The following SMYD3 variants were observed in gnomAD, a reference collection of about 807,000 sequenced individuals.
SMYD3 encodes the protein histone-lysine N-methyltransferase SMYD3.
SMYD3 carries 36 observed loss-of-function variants against 57.7 expected under a neutral mutation model. The ratio of observed to expected loss-of-function variants is 0.62; its 90% CI spans 0.48 to 0.82. The LOEUF (loss-of-function observed/expected upper bound fraction) is 0.82. Among genes scored for constraint, SMYD3 ranks in the 40% least tolerant of loss-of-function variants. SMYD3 has a pLI of 0.00. For synonymous variants in SMYD3, 211 were observed against 195.0 expected (o/e 1.08, Z -0.68); for missense variants, 515 against 538.8 (o/e 0.96, Z 0.44).
chr1:246,188,814 A>G (rs1389255251), intron 5 of SMYD3, among the ~76,000 whole-genome samples: 4 of 152,010 alleles, frequency 2.6e-5, no homozygotes, highest in Admixed American at 2.0e-4. Flanking sequence ...CACAAAAAAG[A>G]GCCAGGCATG....
At chr1:245,777,957 C>A (rs1198734984) in intron 10 of SMYD3, among the ~76,000 whole-genome samples, 2 of 152,126 alleles carry the variant, frequency 1.3e-5, no homozygotes, top group African/African-American at 4.8e-5. Flanking sequence ...TGTCTCTACA[C>A]CCTGCCCCCA....
At chr1:246,340,249 A>G (rs866452003) in intron 2 of SMYD3, among the ~76,000 whole-genome samples, 1 of 149,962 alleles carries the variant, frequency 6.7e-6, no homozygotes, top group Non-Finnish European at 1.5e-5. Context: ...ATTCAATTAC[A>G]TAACAATAAA....
chr1:246,401,773 A>T (rs902419194), intron 1 of SMYD3, among the ~76,000 whole-genome samples: 2 of 150,026 alleles, frequency 1.3e-5, no homozygotes, highest in African/African-American at 2.5e-5. Context: ...CCCAGACTGG[A>T]GTGCAATGGC....
chr1:245,988,491 C>T (rs573186908), intron 5 of SMYD3: 6 of 152,074 alleles, frequency 3.9e-5, no homozygotes, highest in South Asian at 2.1e-4. Context: ...CACCTGCCCA[C>T]TTGAAATGTA....
intron 5 of SMYD3, among the ~76,000 whole-genome samples, chr1:246,214,061 G>A (rs1282239335): frequency 6.6e-6 from 1 of 152,132 alleles, no homozygotes; most frequent in Admixed American, 6.5e-5. Flanking sequence ...TACTGTTCCA[G>A]AATTAGCCAG....
At chr1:245,774,582 A>G (rs995175441) in intron 10 of SMYD3, among the ~76,000 whole-genome samples, 6 of 152,182 alleles carry the variant, frequency 3.9e-5, no homozygotes, top group African/African-American at 1.4e-4. Flanking sequence ...ATTAAAATAT[A>G]TTGAAAACCA....
At chr1:246,395,257 C>T (rs765992424) in intron 1 of SMYD3, among the ~76,000 whole-genome samples, 2 of 152,308 alleles carry the variant, frequency 1.3e-5, no homozygotes, top group African/African-American at 2.4e-5. Context: ...TCTTTTGGAA[C>T]GAGGAAAGCT....
intron 5 of SMYD3, among the ~76,000 whole-genome samples, chr1:246,091,098 G>A (rs190440315): frequency 4.3e-4 from 66 of 152,302 alleles, no homozygotes; most frequent in Non-Finnish European, 8.2e-4. Flanking sequence ...TTAGAAACGC[G>A]GTTAGCACGG....
In SMYD3 at chr1:246,092,684, A is replaced by G. The variant is rs1165955863; in HGVS notation, c.532-162747T>C. The stretch of plus-strand genomic sequence containing the variant: ...GAAGAAAACATTGGAGAAATGCTTC[A>G]GGGTATTGGCCCGGCAAAGATGTCT... On this transcript the variant is annotated intron_variant, in intron 5 of 11. Transcript: ENST00000490107. Among the ~76,000 whole-genome samples the G allele has an allele frequency of 5.3e-5, 8 of 152,340 alleles. No homozygotes were observed. The East Asian group carries it at 1.5e-3, about 29-fold the overall frequency.
chr1:246,228,788 T>G (rs2063368355), intron 5 of SMYD3, among the ~76,000 whole-genome samples: 1 of 151,558 alleles, frequency 6.6e-6, no homozygotes, highest in Admixed American at 6.6e-5. Context: ...CTCCATCATC[T>G]AAATATAATG....
chr1:246,230,591 C>T (rs137950442), intron 5 of SMYD3, among the ~76,000 whole-genome samples: 1,700 of 152,274 alleles, frequency 0.011, 17 homozygotes, highest in Middle Eastern at 0.031. Context: ...CTCCAAGTAA[C>T]TAGGACTACA....
At chr1:246,155,522 C>A (rs2062008553) in intron 5 of SMYD3, among the ~76,000 whole-genome samples, 2 of 152,174 alleles carry the variant, frequency 1.3e-5, no homozygotes, top group Non-Finnish European at 2.9e-5. Context: ...GGTTATCAAA[C>A]CAAACAGTCT....
At chr1:245,887,775 C>G (rs2053169498) in intron 8 of SMYD3, among the ~76,000 whole-genome samples, 2 of 152,104 alleles carry the variant, frequency 1.3e-5, no homozygotes, top group African/African-American at 4.8e-5. Flanking sequence ...AAGCCACCTA[C>G]AGGAAGGGGA....
At chr1:246,480,079 C>A (rs1242336460) in intron 1 of SMYD3, among the ~76,000 whole-genome samples, 1 of 152,208 alleles carries the variant, frequency 6.6e-6, no homozygotes, top group Non-Finnish European at 1.5e-5. Flanking sequence ...TTTTTAATTT[C>A]TTTTTAGTTT....
At chr1:246,336,528 T>A (rs973029010) in intron 2 of SMYD3, among the ~76,000 whole-genome samples, 26 of 152,246 alleles carry the variant, frequency 1.7e-4, no homozygotes, top group Admixed American at 1.6e-3. Context: ...ACTGAGCTGA[T>A]TCAAAGTAAA....
intron 1 of SMYD3, among the ~76,000 whole-genome samples, chr1:246,464,533 G>A (rs1182615460): frequency 6.6e-6 from 1 of 152,100 alleles, no homozygotes; most frequent in African/African-American, 2.4e-5. Flanking sequence ...AGGTATACAA[G>A]AAAGACAGAA....
chr1:246,122,911 A>G (rs548226950), intron 5 of SMYD3, among the ~76,000 whole-genome samples: 17 of 152,344 alleles, frequency 1.1e-4, no homozygotes, highest in South Asian at 1.0e-3. Flanking sequence ...TTTTAAATCT[A>G]TGGATCACAG....
chr1:246,280,696 A>G (rs908475656), intron 5 of SMYD3, among the ~76,000 whole-genome samples: 1 of 152,206 alleles, frequency 6.6e-6, no homozygotes, highest in African/African-American at 2.4e-5. Flanking sequence ...GTCAGTTTCT[A>G]TTATCATTCC....
chr1:246,166,381 C>T (rs2062211732), intron 5 of SMYD3, among the ~76,000 whole-genome samples: 1 of 152,182 alleles, frequency 6.6e-6, no homozygotes, highest in South Asian at 2.1e-4. Flanking sequence ...GAAACCTACC[C>T]TGATTAGGAG....
Sources: allele counts gnomAD v4.1 joint callset (sites outside exome capture counted in the v4.1 genomes callset), GRCh38; gene constraint gnomAD v4.1.1; transcripts MANE v1.5; gene names NCBI Gene and HGNC (gene_info 2026-07-23, HGNC 2026-07-21).